The following TNS3 variants were observed in gnomAD, a reference collection of about 807,000 sequenced individuals.
TNS3 encodes the protein tensin-3.
A neutral mutation model predicts 140.9 loss-of-function variants in TNS3; 45 were observed. That is an observed-to-expected ratio of 0.32 (90% CI 0.25 to 0.41). The LOEUF is 0.41. Ranked by LOEUF, TNS3 falls within the 10% of genes least tolerant of loss-of-function variation. The pLI is 1.00. For missense variants in TNS3, 1,716 were observed against 1,906.7 expected (o/e 0.90, Z 1.86); for synonymous variants, 815 against 788.4 (o/e 1.03, Z -0.56).
At chr7:47,553,733 T>A (rs1379227466) in intron 1 of TNS3, among the ~76,000 whole-genome samples, 1 of 152,158 alleles carries the variant, frequency 6.6e-6, no homozygotes. Flanking sequence ...TCATGCCTAC[T>A]AACACAACAT....
At chr7:47,505,417 C>G (rs1798378023) in intron 3 of TNS3, among the ~76,000 whole-genome samples, 1 of 152,162 alleles carries the variant, frequency 6.6e-6, no homozygotes, top group African/African-American at 2.4e-5. Context: ...CAAGAAATGC[C>G]CACTCCTCTG....
intron 28 of TNS3, among the ~76,000 whole-genome samples, chr7:47,282,344 T>C (rs766293296): frequency 6.6e-6 from 1 of 150,974 alleles, no homozygotes; most frequent in Non-Finnish European, 1.5e-5. Context: ...GAGTCTACCA[T>C]AAAGCCAAGG....
At chr7:47,526,354 G>A (rs1212596088) in intron 2 of TNS3, among the ~76,000 whole-genome samples, 5 of 152,228 alleles carry the variant, frequency 3.3e-5, no homozygotes, top group Admixed American at 3.3e-4. Flanking sequence ...AAGGATGTGT[G>A]GTGCAGAGGC....
At chr7:47,515,191 A>G (rs1212687708) in intron 2 of TNS3, among the ~76,000 whole-genome samples, 1 of 152,244 alleles carries the variant, frequency 6.6e-6, no homozygotes, top group Non-Finnish European at 1.5e-5. Flanking sequence ...TTAACCACAT[A>G]TGAAATTTGC....
intron 4 of TNS3, among the ~76,000 whole-genome samples, chr7:47,446,939 C>T (rs1417087031): frequency 6.6e-6 from 1 of 151,940 alleles, no homozygotes; most frequent in African/African-American, 2.4e-5. Context: ...CCACTGGCCT[C>T]GGTCTCCCAG....
rs767983883 is a variant in TNS3 at position 47,442,059 on chromosome 7, C to G, written c.-75-4G>C. 3.1e-6 allele frequency: 4 copies of G among 1,270,556 alleles called. No homozygotes were observed. The South Asian group carries it at 3.9e-5, about 12-fold the overall frequency. The allele number at this position is 1,270,556 out of a possible 1,614,324, so 78.7% of individuals were successfully genotyped here. On this transcript the variant is annotated splice_polypyrimidine_tract_variant and splice_region_variant and intron_variant, in intron 4 of 30. Transcript: ENST00000311160. ...ACAGCGTGGAACTCCCTGGAGCCTG[C>G]AAATAACAAAACAAGGGTCATTTTG...
At chr7:47,495,143 A>T (rs1294693742) in intron 3 of TNS3, among the ~76,000 whole-genome samples, 1 of 142,922 alleles carries the variant, frequency 7.0e-6, no homozygotes, top group Non-Finnish European at 1.5e-5. Flanking sequence ...GTGAGCCGAG[A>T]TTGCGCCACT....
Position 47,439,551 on chromosome 7 carries a change from G to A in TNS3, c.86C>T (p.Ser29Phe). Residue 29 changes from serine to phenylalanine, a missense_variant, in exon 6 of 31, where the codon TCC becomes TTC. Transcript: ENST00000311160. The part of the protein sequence containing the change: ...VSFPAGCSEE[S>F]YLHNLQEVTR... ...GACCTCCTGTAGGTTGTGCAGGTAG[G>A]ACTCCTCAGAGCAGCCGGCAGGGAA... 6.2e-7 allele frequency: 1 copy of A among 1,614,088 alleles called. No homozygotes were observed. Among genetic ancestry groups the A allele is most frequent in the Non-Finnish European group, 8.5e-7 (1 of 1,180,002 alleles).
chr7:47,531,980 C>T (rs1224012531), intron 1 of TNS3, among the ~76,000 whole-genome samples: 1 of 152,188 alleles, frequency 6.6e-6, no homozygotes, highest in Non-Finnish European at 1.5e-5. Flanking sequence ...AGCAGGAGCT[C>T]CCTGAGTGCA....
intron 16 of TNS3, among the ~76,000 whole-genome samples, chr7:47,380,877 A>G (rs1379392954): frequency 6.6e-6 from 1 of 152,210 alleles, no homozygotes; most frequent in East Asian, 1.9e-4. Context: ...ACAGGCTTTC[A>G]CAGCAGGACA....
chr7:47,317,205 C>T (rs556829381), intron 20 of TNS3, among the ~76,000 whole-genome samples: 31 of 152,324 alleles, frequency 2.0e-4, no homozygotes, highest in South Asian at 4.1e-4. Flanking sequence ...CCCAGTGAAG[C>T]CAGAATTGCT....
chr7:47,394,310 G>A (rs916659862), intron 16 of TNS3, among the ~76,000 whole-genome samples: 1 of 152,196 alleles, frequency 6.6e-6, no homozygotes, highest in Non-Finnish European at 1.5e-5. Context: ...CTATAAGTGG[G>A]ATTGATGCCC....
rs368913942 is a variant in TNS3 at position 47,303,460 on chromosome 7, G to A, written c.2947C>T (p.Pro983Ser). 104 of 1,612,352 alleles carry A rather than the reference G, an allele frequency of 6.5e-5. No individual in the cohort carries two copies. The highest frequency in any genetic ancestry group is 8.5e-5 in the Non-Finnish European group (100 of 1,180,014). The change falls in exon 22 of 31, where the codon CCA (proline) becomes TCA (serine). Residue 983 changes from proline (P) to serine (S), a missense_variant. Transcript: ENST00000311160. ...AEFSGTRKDS[P>S]VLSCFPPSEL... ...GACGGCGGGAAGCAGGACAGCACTG[G>A]GGAGTCCTTCCTGGTACCGGAGAAC...
At chr7:47,470,760 C>T (rs1373385955) in intron 4 of TNS3, 1 of 564,128 alleles carries the variant, frequency 1.8e-6, no homozygotes, top group Non-Finnish European at 2.2e-6. Flanking sequence ...GCTTTGTGCT[C>T]CCGGGTGGAT....
chr7:47,442,608 C>T (rs1425531416), intron 4 of TNS3, among the ~76,000 whole-genome samples: 1 of 152,208 alleles, frequency 6.6e-6, no homozygotes, highest in African/African-American at 2.4e-5. Context: ...AAATGCCCAG[C>T]AACTGTGTGA....
In TNS3 at chr7:47,505,667, G is replaced by A. The variant is rs1468868215; in HGVS notation, c.-115+1240C>T. Among the ~76,000 whole-genome samples, 5 of 152,192 alleles carry A rather than the reference G, an allele frequency of 3.3e-5. No homozygotes were observed. In the East Asian group the frequency reaches 9.6e-4, roughly 29 times the overall value. Reference sequence around the variant, plus strand: ...TTCTCCATAATGAAGACTTTAAAAAGTCTCTTGGGAGAAAAGAAATAGAGC... The same window carrying A: ...TTCTCCATAATGAAGACTTTAAAAAATCTCTTGGGAGAAAAGAAATAGAGC... On this transcript the variant is annotated intron_variant, in intron 3 of 30. Transcript: ENST00000311160.
intron 4 of TNS3, among the ~76,000 whole-genome samples, chr7:47,448,808 C>T (rs533216844): frequency 2.6e-5 from 4 of 152,182 alleles, no homozygotes; most frequent in Non-Finnish European, 5.9e-5. Flanking sequence ...CTATGTCCTT[C>T]GACTGCTTGT....
At chr7:47,479,643 A>G (rs1406047871) in intron 4 of TNS3, among the ~76,000 whole-genome samples, 1 of 152,190 alleles carries the variant, frequency 6.6e-6, no homozygotes, top group Non-Finnish European at 1.5e-5. Context: ...TAGTTTGTCA[A>G]TATTTTAGGT....
chr7:47,518,549 C>T (rs1798857882), intron 2 of TNS3, among the ~76,000 whole-genome samples: 1 of 152,128 alleles, frequency 6.6e-6, no homozygotes, highest in African/African-American at 2.4e-5. Context: ...ATCACTGGGG[C>T]CAGGCACAGA....
Sources: allele counts gnomAD v4.1 joint callset (sites outside exome capture counted in the v4.1 genomes callset), GRCh38; gene constraint gnomAD v4.1.1; transcripts MANE v1.5; gene names NCBI Gene and HGNC (gene_info 2026-07-23, HGNC 2026-07-21).